ORC5: variants seen among roughly 807,000 people sequenced by gnomAD.
ORC5 encodes protein phosphatase 1, regulatory subunit 117.
In ORC5, 39 loss-of-function variants were observed where a neutral mutation model predicts 58.8. The observed-to-expected ratio is 0.66, with a 90% CI of 0.51 to 0.87. The LOEUF is 0.87. ORC5 is among the 40% of genes least tolerant of loss of function. The pLI, the probability that ORC5 is intolerant of heterozygous loss-of-function variation, is 0.00. For synonymous variants in ORC5, 218 were observed against 177.6 expected, an observed-to-expected ratio of 1.23 and a Z score of -1.81; for missense variants, 493 against 506.3, an observed-to-expected ratio of 0.97 and a Z score of 0.25.
intron 12 of ORC5, among the ~76,000 whole-genome samples, chr7:104,147,896 T>C (rs752114611): frequency 7.2e-5 from 11 of 151,754 alleles, no homozygotes; most frequent in Non-Finnish European, 1.5e-5. Context: ...TATGTGCTTT[T>C]ATCTTTTTTT....
rs1187832128 is a variant in ORC5 at position 104,138,338 on chromosome 7, C to G, written c.1150-1445G>C. On this transcript the variant is annotated intron_variant, in intron 12 of 13. Transcript: ENST00000297431. This position sits in a 1 kb window ranked among gnomAD's most constrained non-coding sequence, Gnocchi z 4.7. ...GCACATTCCTCCTCTAAAAATTTTACAGAATATCTATCTAAATAACTCAGA... is the reference window on the plus strand; with the variant it reads ...GCACATTCCTCCTCTAAAAATTTTAGAGAATATCTATCTAAATAACTCAGA... 6.6e-6 allele frequency among the ~76,000 whole-genome samples: 1 copy of G among 152,168 alleles called. No homozygotes were observed. Among genetic ancestry groups the G allele is most frequent in the African/African-American group, 2.4e-5 (1 of 41,444 alleles).
chr7:104,136,702 G>T lies in ORC5; in HGVS notation c.1262+79C>A. 1 of 884,410 alleles carries T rather than the reference G, an allele frequency of 1.1e-6. No individual in the cohort carries two copies. Among genetic ancestry groups the T allele is most frequent in the Non-Finnish European group, 1.8e-6 (1 of 544,214 alleles). 54.8% of individuals were successfully genotyped at this position (884,410 alleles called of 1,614,324 possible). On this transcript the variant is annotated intron_variant, in intron 13 of 13. Transcript: ENST00000297431. The surrounding 1 kb of genome is among the most constrained non-coding windows in gnomAD (Gnocchi z 4.2). ...ATAGATGATTTTTTCATGTTTAAAT[G>T]TCATGACTAATGACATCACATTTGG... is the stretch of plus-strand genomic sequence containing the variant.
intron 11 of ORC5, among the ~76,000 whole-genome samples, chr7:104,163,813 C>T (rs1302407138): frequency 2.6e-5 from 4 of 152,182 alleles, no homozygotes; most frequent in Non-Finnish European, 5.9e-5. Context: ...TTACTACAAG[C>T]ATAGCTAGTC....
chr7:104,155,873 A>G (rs1223463850), intron 12 of ORC5, among the ~76,000 whole-genome samples: 2 of 151,620 alleles, frequency 1.3e-5, no homozygotes, highest in East Asian at 1.9e-4. Flanking sequence ...GGAAATTCCC[A>G]TATTTTTTTC....
In ORC5 at chr7:104,200,982, G is replaced by GT. The variant is rs969000673; in HGVS notation, c.166-25dup. ...AGCTGAAAACGAAAACCAAAACACT[G>GT]TAAGTAAAGAAGAAAACACACAAAC... is the stretch of plus-strand genomic sequence containing the variant. On this transcript the variant is annotated intron_variant, in intron 2 of 13. Coordinates refer to ENST00000297431, the MANE Select transcript of ORC5 (RefSeq NM_002553.4). 20 of 1,582,340 alleles carry GT rather than the reference G, an allele frequency of 1.3e-5. No homozygotes were observed. In the African/African-American group the frequency reaches 2.0e-4, roughly 16 times the overall value.
chr7:104,151,235 C>T (rs1270465309), intron 12 of ORC5, among the ~76,000 whole-genome samples: 1 of 152,068 alleles, frequency 6.6e-6, no homozygotes. Context: ...AAAAGAAAGA[C>T]CAAATTTATT....
At chr7:104,165,135 G>C in intron 11 of ORC5, 100 bp downstream of exon 11, 3 of 636,062 alleles carry the variant, frequency 4.7e-6, no homozygotes, top group Non-Finnish European at 8.0e-6. Flanking sequence ...ACACAAATAA[G>C]TTCCTATATT....
intron 4 of ORC5, among the ~76,000 whole-genome samples, chr7:104,196,884 T>C (rs1799811873): frequency 6.6e-6 from 1 of 152,192 alleles, no homozygotes; most frequent in Non-Finnish European, 1.5e-5. Flanking sequence ...TTATTCCCTT[T>C]ATGAATACGG....
chr7:104,179,305 G>A lies in ORC5; in HGVS notation c.824+4638C>T, dbSNP rs116896888. Among the ~76,000 whole-genome samples, 691 of 152,198 alleles carry A rather than the reference G, an allele frequency of 4.5e-3. 3 individuals carry two copies. Among genetic ancestry groups the A allele is most frequent in the Middle Eastern group, 0.01 (3 of 294 alleles). ...GTGTGGTAAATAGTTTGTCCTAAAT[G>A]TAGTTATTTAAAAGTATAAGAAAAT... On this transcript the variant is annotated intron_variant, in intron 8 of 13. Coordinates refer to ENST00000297431, the MANE Select transcript of ORC5 (RefSeq NM_002553.4).
intron 8 of ORC5, among the ~76,000 whole-genome samples, chr7:104,182,272 C>T (rs536641886): frequency 2.0e-5 from 3 of 152,230 alleles, no homozygotes; most frequent in East Asian, 1.9e-4. Flanking sequence ...AACTGCAAAG[C>T]AGGATAAGAA....
At chr7:104,184,264 G>C in intron 6 of ORC5, 93 bp from the exon 7 acceptor site, 1 of 764,290 alleles carries the variant, frequency 1.3e-6, no homozygotes, top group East Asian at 2.8e-5. Context: ...TTGCAGTTCA[G>C]GAAATTTTAC....
chr7:104,197,105 T>C (rs560307144), intron 4 of ORC5, among the ~76,000 whole-genome samples: 1 of 152,320 alleles, frequency 6.6e-6, no homozygotes, highest in South Asian at 2.1e-4. Flanking sequence ...TGTTGATAGG[T>C]TCTGGGAAAC....
intron 4 of ORC5, 65 bp from the exon 5 acceptor site, chr7:104,195,319 T>A: frequency 1.1e-6 from 1 of 891,610 alleles, no homozygotes; most frequent in Non-Finnish European, 1.7e-6. Flanking sequence ...AGTATTTCCA[T>A]TTGGATTTTT....
At chr7:104,171,868 A>C (rs886814410) in intron 8 of ORC5, among the ~76,000 whole-genome samples, 2 of 152,106 alleles carry the variant, frequency 1.3e-5, no homozygotes, top group African/African-American at 4.8e-5. Context: ...AAAACAAAAA[A>C]ACAAAAAACA....
chr7:104,182,617 G>A (rs936961404), intron 8 of ORC5, among the ~76,000 whole-genome samples: 6 of 151,806 alleles, frequency 4.0e-5, no homozygotes, highest in Non-Finnish European at 5.9e-5. Context: ...AGCTGTACCC[G>A]AATAAATTCC....
At chr7:104,130,665 A>G (rs568746967) in intron 13 of ORC5, among the ~76,000 whole-genome samples, 2 of 152,302 alleles carry the variant, frequency 1.3e-5, no homozygotes, top group South Asian at 4.1e-4. Flanking sequence ...CTTACCTCCA[A>G]TAACCTTTTC....
chr7:104,180,330 T>A (rs1027770714), intron 8 of ORC5, among the ~76,000 whole-genome samples: 1 of 116,096 alleles, frequency 8.6e-6, no homozygotes, highest in African/African-American at 2.6e-5. Context: ...TTGCATTTTA[T>A]CAAGATAACT....
chr7:104,186,929 C>T (rs1409009956), intron 6 of ORC5, among the ~76,000 whole-genome samples: 1 of 152,098 alleles, frequency 6.6e-6, no homozygotes, highest in African/African-American at 2.4e-5. Context: ...CAGTGAAACT[C>T]GAAGAACTTT....
intron 2 of ORC5, among the ~76,000 whole-genome samples, chr7:104,203,425 A>G (rs1799994669): frequency 6.6e-6 from 1 of 152,352 alleles, no homozygotes; most frequent in Non-Finnish European, 1.5e-5. Context: ...CTTAAGAAAA[A>G]GACTGCCCAT....
Sources: allele counts gnomAD v4.1 joint callset (sites outside exome capture counted in the v4.1 genomes callset), GRCh38; gene constraint gnomAD v4.1.1; non-coding constraint Gnocchi (gnomAD v3.1); transcripts MANE v1.5; gene names NCBI Gene and HGNC (gene_info 2026-07-23, HGNC 2026-07-21).